TOP3B: variants seen among roughly 807,000 people sequenced by gnomAD.
The protein encoded by TOP3B is DNA topoisomerase III beta.
Under a neutral mutation model 93.9 loss-of-function variants are expected in TOP3B, and 45 were observed. The ratio of observed to expected loss-of-function variants is 0.48; its 90% confidence interval spans 0.38 to 0.61. The LOEUF is 0.61. TOP3B is among the 20% of genes least tolerant of loss of function. The pLI is 0.00. For synonymous variants in TOP3B, 357 were observed against 472.6 expected (o/e 0.76, Z 3.17); for missense variants, 750 against 1,156.1 (o/e 0.65, Z 5.09).
chr22:21,960,594 C>A, intron 13 of TOP3B, 145 bp from the exon 14 acceptor site: 3 of 1,111,752 alleles, frequency 2.7e-6, no homozygotes, highest in South Asian at 1.5e-5. Context: ...GCCCTGAGCT[C>A]CCCCTGCACT....
intron 2 of TOP3B, chr22:21,974,970 C>A (rs187965766): frequency 9.6e-4 from 149 of 154,494 alleles, no homozygotes; most frequent in African/African-American, 3.2e-3. Flanking sequence ...CCGTCCCCTG[C>A]GGACCATGCC....
At chr22:21,964,453 G>T in intron 9 of TOP3B, 138 bp from the exon 10 acceptor site, 1 of 1,021,434 alleles carries the variant, frequency 9.8e-7, no homozygotes, top group South Asian at 1.5e-5. Context: ...GGCACAGCTG[G>T]AGTGCAAAGC....
At position 21,962,878 on chromosome 22, in the gene TOP3B, C is replaced by T. The variant is rs756298889; in HGVS notation, c.1220G>A (p.Arg407Gln). The change falls in exon 12 of 18, where the codon CGG becomes CAG. Residue 407 changes from arginine to glutamine, a missense_variant. Arg to Gln is a conservative substitution (Grantham distance 43). Coordinates refer to ENST00000357179, the MANE Select transcript of TOP3B (RefSeq NM_001282112.2). The part of the protein sequence containing the change: ...TEAELGGDAW[R>Q]LYEYITRHFI... ...GTGTCTGGTGATGTACTCATAGAGC[C>T]GCCACGCGTCACCCCCTGCAACAGG... 5 of 1,613,314 alleles carry T rather than the reference C, an allele frequency of 3.1e-6. No individual in the cohort carries two copies. Among genetic ancestry groups the T allele is most frequent in the Admixed American group, 1.7e-5 (1 of 60,004 alleles).
intron 1 of TOP3B, among the ~76,000 whole-genome samples, chr22:21,981,850 C>G (rs1325895331): frequency 6.6e-6 from 1 of 151,984 alleles, no homozygotes; most frequent in Non-Finnish European, 1.5e-5. Context: ...GTAGGCCTAG[C>G]AGTGGTCTGA....
chr22:21,971,792 G>T lies in TOP3B; in HGVS notation c.384+85C>A. 2 of 1,229,114 alleles carry T rather than the reference G, an allele frequency of 1.6e-6. No individual in the cohort carries two copies. Among genetic ancestry groups the T allele is most frequent in the African/African-American group, 1.5e-5 (1 of 67,506 alleles). The allele number at this position is 1,229,114 out of a possible 1,614,324, so 76.1% of individuals were successfully genotyped here. ...AGTTTACTCCCTCCTTTGGCCCCAG[G>T]AGTGATGTGACTGACTGCTGGTGTC... is the stretch of plus-strand genomic sequence containing the variant. On this transcript the variant is annotated intron_variant, in intron 5 of 17. Transcript: ENST00000357179. The surrounding 1 kb of genome is among the most constrained non-coding windows in gnomAD (Gnocchi z 4.6).
rs917364782 is a variant in TOP3B, at chr22:21,970,523, C to T, written c.385-117G>A. ...GAACACGTGTGCTCGGCTCCCTCTC[C>T]TGCCCCTGCCAGACCCTCCTCTATC... On this transcript the variant is annotated intron_variant, in intron 5 of 17. Coordinates refer to ENST00000357179, the MANE Select transcript of TOP3B (RefSeq NM_001282112.2). The surrounding 1 kb of genome is among the most constrained non-coding windows in gnomAD (Gnocchi z 4.4). 66 of 1,082,862 alleles carry T rather than the reference C, an allele frequency of 6.1e-5. No individual in the cohort carries two copies. The African/African-American group carries it at 9.6e-4, about 16-fold the overall frequency. The allele number at this position is 1,082,862 out of a possible 1,614,324, so 67.1% of individuals were successfully genotyped here.
In TOP3B at chr22:21,971,979, C is replaced by T; in HGVS notation, c.310-28G>A. Reference sequence around the variant, plus strand: ...GCCACACAGCACAGGTTCACACGTACCTGCTGCAGACCCGGTCTGTGCCAC... The same window carrying T: ...GCCACACAGCACAGGTTCACACGTATCTGCTGCAGACCCGGTCTGTGCCAC... On this transcript the variant is annotated intron_variant, in intron 4 of 17. Coordinates refer to ENST00000357179, the MANE Select transcript of TOP3B (RefSeq NM_001282112.2). This position sits in a 1 kb window ranked among gnomAD's most constrained non-coding sequence, Gnocchi z 4.6. 6.2e-7 allele frequency: 1 copy of T among 1,604,580 alleles called. No homozygotes were observed. The highest frequency in any genetic ancestry group is 8.5e-7 in the Non-Finnish European group (1 of 1,173,518).
At position 21,958,511 on chromosome 22, in the gene TOP3B, G is replaced by C. The variant is rs756977734; in HGVS notation, c.2088C>G (p.Pro696=). ...ACTCACCTTTCTTCATGTCTCGGAAGGGTGGGTGGTTGTAGCAGTAGGGGC... is the reference window on the plus strand; with the variant it reads ...ACTCACCTTTCTTCATGTCTCGGAACGGTGGGTGGTTGTAGCAGTAGGGGC... ...PLCPYCYNHP[P]FRDMKKGMGC... The change falls in exon 17 of 18, where the codon CCC becomes CCG. Residue 696 remains proline, a synonymous_variant. Coordinates refer to ENST00000357179, the MANE Select transcript of TOP3B (RefSeq NM_001282112.2). 1 of 1,613,962 alleles carries C rather than the reference G, an allele frequency of 6.2e-7. No individual in the cohort carries two copies. Among genetic ancestry groups the C allele is most frequent in the African/African-American group, 1.3e-5 (1 of 74,948 alleles).
At chr22:21,959,361 G>A (rs75104161) in intron 15 of TOP3B, 129 bp from the exon 16 acceptor site, 142,335 of 1,505,726 alleles carry the variant, frequency 0.095, 7,331 homozygotes, top group Middle Eastern at 0.14. Flanking sequence ...CTGGCAGCAC[G>A]GCAGGGCAGC....
chr22:21,980,586 T>C (rs1014793534), intron 1 of TOP3B, among the ~76,000 whole-genome samples: 4 of 152,206 alleles, frequency 2.6e-5, no homozygotes, highest in African/African-American at 9.7e-5. Context: ...TAAGTGGATG[T>C]TCCCCTTAAA....
intron 4 of TOP3B, chr22:21,972,374 GC>G (rs529011258): frequency 2.2e-4 from 105 of 486,080 alleles, no homozygotes; most frequent in African/African-American, 1.9e-3. Context: ...GACCAAACAA[GC>G]TATTTTAAAA....
intron 1 of TOP3B, among the ~76,000 whole-genome samples, chr22:21,981,602 G>C (rs1280137366): frequency 2.0e-5 from 3 of 152,128 alleles, no homozygotes; most frequent in African/African-American, 7.2e-5. Context: ...TTCAAGACCA[G>C]CCTGGCCAAC....
At chr22:21,968,175 G>A (rs2071490909) in intron 7 of TOP3B, 1 of 226,540 alleles carries the variant, frequency 4.4e-6, no homozygotes, top group South Asian at 7.7e-5. Flanking sequence ...CAATCCTCTT[G>A]CCTCAGCCTC....
At position 21,974,419 on chromosome 22, in the gene TOP3B, C is replaced by T. The variant is rs751390489; in HGVS notation, c.140G>A (p.Gly47Asp). ...SVHEYTGTFA[G>D]QPVRFKMTSV... The stretch of plus-strand genomic sequence containing the variant: ...CGTCATCTTGAAGCGCACTGGCTGG[C>T]CAGCAAAGGTCCCAGTGTACTCGTG... The change falls in exon 3 of 18, where the codon GGC becomes GAC. Residue 47 changes from glycine (G) to aspartate (D), a missense_variant. By Grantham distance (94) the Gly-to-Asp change is moderately conservative (BLOSUM62 -1). Coordinates refer to ENST00000357179, the MANE Select transcript of TOP3B (RefSeq NM_001282112.2). 1.9e-6 allele frequency: 3 copies of T among 1,614,148 alleles called. No individual in the cohort carries two copies. Among genetic ancestry groups the T allele is most frequent in the Non-Finnish European group, 2.5e-6 (3 of 1,180,006 alleles).
At chr22:21,977,459 G>C (rs1326703505) in intron 1 of TOP3B, 2 of 149,530 alleles carry the variant, frequency 1.3e-5, no homozygotes, top group African/African-American at 5.0e-5. Context: ...AACTCAGGAA[G>C]TGGAGGTTGC....
chr22:21,970,969 C>T lies in TOP3B; in HGVS notation c.385-563G>A. ...CTAAAGCACAGCAGGGGTCCTGGAGCCGAGACTCACTAGGAAGGCCGTGCA... is the reference window on the plus strand; with the variant it reads ...CTAAAGCACAGCAGGGGTCCTGGAGTCGAGACTCACTAGGAAGGCCGTGCA... On this transcript the variant is annotated intron_variant, in intron 5 of 17. Transcript: ENST00000357179. The surrounding 1 kb of genome is among the most constrained non-coding windows in gnomAD (Gnocchi z 4.4). 1 of 1,237,606 alleles carries T rather than the reference C, an allele frequency of 8.1e-7. No homozygotes were observed. The highest frequency in any genetic ancestry group is 1.0e-6 in the Non-Finnish European group (1 of 952,896). The allele number at this position is 1,237,606 out of a possible 1,614,324, so 76.7% of individuals were successfully genotyped here.
intron 13 of TOP3B, chr22:21,962,061 G>A: frequency 8.7e-7 from 1 of 1,146,812 alleles, no homozygotes; most frequent in Non-Finnish European, 1.1e-6. Context: ...CCTGTCACCT[G>A]ATTTCAGGAC....
Position 21,959,663 on chromosome 22 carries a change from G to C in TOP3B, c.1728C>G (p.Ala576=), listed in dbSNP as rs773342827. ...TGTGGCCCAGGACCTGGCGGTAGTCGGCCTTGCCCTGGGCGATCAGGTTCA... is the reference window on the plus strand; with the variant it reads ...TGTGGCCCAGGACCTGGCGGTAGTCCGCCTTGCCCTGGGCGATCAGGTTCA... ...KQLNLIAQGK[A]DYRQVLGHTL... The change falls in exon 15 of 18, where the codon GCC becomes GCG. Residue 576 remains alanine, a synonymous_variant. Coordinates refer to ENST00000357179, the MANE Select transcript of TOP3B (RefSeq NM_001282112.2). 1.2e-6 allele frequency: 2 copies of C among 1,613,760 alleles called. No individual in the cohort carries two copies. The highest frequency in any genetic ancestry group is 2.2e-5 in the East Asian group (1 of 44,878).
rs774372586 is a variant in TOP3B at position 21,962,563 on chromosome 22, T to G, written c.1391A>C (p.Glu464Ala). 6.2e-7 allele frequency: 1 copy of G among 1,613,516 alleles called. No individual in the cohort carries two copies. Among genetic ancestry groups the G allele is most frequent in the South Asian group, 1.1e-5 (1 of 91,074 alleles). The stretch of plus-strand genomic sequence containing the variant: ...CCGCTGGCAAGTGGGCAGGCTCTCC[T>G]CCAGGGGCACGCTCTGCCAGGGCAT... ...EVMPWQSVPL[E>A]ESLPTCQRGD... Residue 464 changes from glutamate to alanine, a missense_variant, in exon 13 of 18, where the codon GAG (glutamate) becomes GCG (alanine). Physicochemically the swap from Glu to Ala is moderately radical, Grantham distance 107. Coordinates refer to ENST00000357179, the MANE Select transcript of TOP3B (RefSeq NM_001282112.2).
Sources: allele counts gnomAD v4.1 joint callset (sites outside exome capture counted in the v4.1 genomes callset), GRCh38; gene constraint gnomAD v4.1.1; non-coding constraint Gnocchi (gnomAD v3.1); transcripts MANE v1.5; gene names NCBI Gene and HGNC (gene_info 2026-07-23, HGNC 2026-07-21).